The following GRB14 variants were observed in gnomAD, a reference collection of about 807,000 sequenced individuals.
GRB14 encodes the protein growth factor receptor-bound protein 14.
Under a neutral mutation model 69.1 loss-of-function variants are expected in GRB14, and 38 were observed. The ratio of observed to expected loss-of-function variants is 0.55; its 90% CI spans 0.42 to 0.72. The LOEUF is 0.72. Among genes scored for constraint, GRB14 ranks in the 30% least tolerant of loss-of-function variants. The pLI, the probability that GRB14 is intolerant of heterozygous loss-of-function variation, is 0.00. For missense variants in GRB14, 666 were observed against 666.1 expected (o/e 1.00, Z 0.00); for synonymous variants, 247 against 241.3 (o/e 1.02, Z -0.22).
At chr2:164,604,355 C>A (rs189623320) in intron 2 of GRB14, among the ~76,000 whole-genome samples, 2 of 151,866 alleles carry the variant, frequency 1.3e-5, no homozygotes, top group African/African-American at 4.8e-5. Context: ...TACATGCATA[C>A]AATGAAATAA....
At chr2:164,501,079 G>T (rs1687038710) in intron 9 of GRB14, among the ~76,000 whole-genome samples, 1 of 151,984 alleles carries the variant, frequency 6.6e-6, no homozygotes, top group Non-Finnish European at 1.5e-5. Context: ...CATATGAATT[G>T]AAAGATAAGA....
At chr2:164,568,907 C>A (rs567846494) in intron 2 of GRB14, among the ~76,000 whole-genome samples, 1 of 152,160 alleles carries the variant, frequency 6.6e-6, no homozygotes. Context: ...AGAATTGGCA[C>A]AAAGTGTTAA....
At chr2:164,581,839 T>C (rs112123887) in intron 2 of GRB14, among the ~76,000 whole-genome samples, 1 of 152,196 alleles carries the variant, frequency 6.6e-6, no homozygotes, top group African/African-American at 2.4e-5. Flanking sequence ...TTTATACATA[T>C]TCAAGCCCCT....
At chr2:164,508,376 C>T (rs779503409) in intron 8 of GRB14, 79 bp downstream of exon 8, 13 of 1,122,404 alleles carry the variant, frequency 1.2e-5, no homozygotes, top group Non-Finnish European at 1.7e-5. Context: ...TGAGACTTCA[C>T]GTTCTGAAAT....
chr2:164,522,262 T>C (rs921388461), intron 5 of GRB14, 145 bp from the exon 6 acceptor site: 48 of 597,310 alleles, frequency 8.0e-5, no homozygotes, highest in Non-Finnish European at 1.4e-4. Context: ...AACTATGTGT[T>C]TGTGTATACT....
At chr2:164,549,062 G>A (rs960113096) in intron 2 of GRB14, among the ~76,000 whole-genome samples, 3 of 148,370 alleles carry the variant, frequency 2.0e-5, no homozygotes, top group Non-Finnish European at 3.0e-5. Context: ...TTTTTTTTTA[G>A]TAGAGACGGG....
In GRB14 at chr2:164,614,510, G is replaced by A. The variant is rs532813210; in HGVS notation, c.324+5177C>T. Among the ~76,000 whole-genome samples the A allele has an allele frequency of 1.1e-3, 165 of 152,136 alleles. 2 individuals carry two copies. Among genetic ancestry groups the A allele is most frequent in the African/African-American group, 3.8e-3 (159 of 41,502 alleles). On this transcript the variant is annotated intron_variant, in intron 2 of 13. Transcript: ENST00000263915. ...AAGGAATTGCTGTTATTTATGTTAG[G>A]GAATAATGGCATTTGGGATATAAAA...
chr2:164,574,241 CT>C (rs769386864), intron 2 of GRB14, among the ~76,000 whole-genome samples: 5,602 of 136,998 alleles, frequency 0.041, 116 homozygotes, highest in African/African-American at 0.095. Flanking sequence ...GAAAAATTAT[CT>C]TTTTTTTTTT....
At chr2:164,586,225 T>C (rs1453254780) in intron 2 of GRB14, among the ~76,000 whole-genome samples, 1 of 152,134 alleles carries the variant, frequency 6.6e-6, no homozygotes, top group Non-Finnish European at 1.5e-5. Context: ...TAGAGTAACA[T>C]ATTTGGATTT....
intron 3 of GRB14, chr2:164,539,660 C>T (rs998170264): frequency 4.6e-5 from 7 of 152,064 alleles, no homozygotes; most frequent in Admixed American, 1.3e-4. Context: ...ATTCACAACT[C>T]GGAATGTCTC....
In GRB14 at chr2:164,552,011, G is replaced by T. The variant is rs1355913429; in HGVS notation, c.325-4195C>A. 2.0e-5 allele frequency among the ~76,000 whole-genome samples: 3 copies of T among 152,172 alleles called. No individual in the cohort carries two copies. In the East Asian group the frequency reaches 5.8e-4, roughly 29 times the overall value. The stretch of plus-strand genomic sequence containing the variant: ...CAAAGCGGGAGCAGGGGTGTCACAT[G>T]GCAAGAGAGAAAGCAAGAGGGAGGG... On this transcript the variant is annotated intron_variant, in intron 2 of 13. Transcript: ENST00000263915.
At chr2:164,600,691 A>G (rs1574346909) in intron 2 of GRB14, among the ~76,000 whole-genome samples, 4 of 152,330 alleles carry the variant, frequency 2.6e-5, no homozygotes, top group Admixed American at 2.6e-4. Flanking sequence ...GCCATCCTAA[A>G]GCATTACATG....
rs1245160590 is a variant in GRB14, at chr2:164,573,257, G to C, written c.325-25441C>G. The stretch of plus-strand genomic sequence containing the variant: ...CTTCTCCCAGAATACCTAGCAGAGT[G>C]TTCTTTGTACACAGTAGGCCTTATG... On this transcript the variant is annotated intron_variant, in intron 2 of 13. Transcript: ENST00000263915. Among the ~76,000 whole-genome samples, 7 of 152,314 alleles carry C rather than the reference G, an allele frequency of 4.6e-5. No individual in the cohort carries two copies. The South Asian group carries it at 1.0e-3, about 23-fold the overall frequency.
At chr2:164,568,538 A>G (rs1439185693) in intron 2 of GRB14, 4 of 972,336 alleles carry the variant, frequency 4.1e-6, no homozygotes, top group East Asian at 8.9e-5. Flanking sequence ...CCCAAAGCCA[A>G]TTAAGGATGG....
intron 2 of GRB14, among the ~76,000 whole-genome samples, chr2:164,593,835 T>C (rs1445116681): frequency 6.6e-6 from 1 of 152,164 alleles, no homozygotes; most frequent in Non-Finnish European, 1.5e-5. Context: ...TGGAAGTTTA[T>C]GTTAAGACTG....
intron 2 of GRB14, among the ~76,000 whole-genome samples, chr2:164,585,801 T>A (rs1277283187): frequency 6.6e-6 from 1 of 152,072 alleles, no homozygotes; most frequent in African/African-American, 2.4e-5. Context: ...CAAAGCACAG[T>A]TTTGGTCACC....
At chr2:164,575,222 A>G (rs1689224529) in intron 2 of GRB14, among the ~76,000 whole-genome samples, 1 of 152,200 alleles carries the variant, frequency 6.6e-6, no homozygotes, top group South Asian at 2.1e-4. Flanking sequence ...AATTCAATCA[A>G]ACTCATTAAT....
At chr2:164,616,950 C>A (rs1038096871) in intron 2 of GRB14, among the ~76,000 whole-genome samples, 4 of 152,196 alleles carry the variant, frequency 2.6e-5, no homozygotes, top group Admixed American at 2.0e-4. Flanking sequence ...AAAACAGCAT[C>A]TTGTAAAAGG....
At chr2:164,590,825 T>A (rs1689644235) in intron 2 of GRB14, among the ~76,000 whole-genome samples, 1 of 152,240 alleles carries the variant, frequency 6.6e-6, no homozygotes, top group African/African-American at 2.4e-5. Context: ...ATTATTTTCA[T>A]ATTAAAATGC....
Sources: allele counts gnomAD v4.1 joint callset (sites outside exome capture counted in the v4.1 genomes callset), GRCh38; gene constraint gnomAD v4.1.1; transcripts MANE v1.5; gene names NCBI Gene and HGNC (gene_info 2026-07-23, HGNC 2026-07-21).